Variants in PPP3CA observed in about 807,000 individuals in gnomAD.
The protein encoded by PPP3CA is CAM-PRP catalytic subunit.
A neutral mutation model predicts 66.5 loss-of-function variants in PPP3CA; 14 were observed. The observed-to-expected ratio is 0.21, with a 90% CI of 0.14 to 0.33. The LOEUF is 0.33. Among genes scored for constraint, PPP3CA ranks in the 10% least tolerant of loss-of-function variants. PPP3CA has a pLI of 1.00. For synonymous variants in PPP3CA, 232 were observed against 226.2 expected, an observed-to-expected ratio of 1.03 and a Z score of -0.23; for missense variants, 317 against 639.5, an observed-to-expected ratio of 0.50 and a Z score of 5.44.
At chr4:101,301,754 G>A (rs1015069372) in intron 1 of PPP3CA, among the ~76,000 whole-genome samples, 100 of 149,256 alleles carry the variant, frequency 6.7e-4, no homozygotes, top group African/African-American at 2.4e-3. Context: ...GCCTCCCAAA[G>A]TGCTGGGATT....
chr4:101,337,341 C>T (rs1218340730), intron 1 of PPP3CA, among the ~76,000 whole-genome samples: 3 of 152,170 alleles, frequency 2.0e-5, no homozygotes, highest in Non-Finnish European at 4.4e-5. Context: ...CACCACTCAC[C>T]CTTTTTTGTT....
rs557696573 is a variant in PPP3CA, at chr4:101,023,986, CAGAT to C, written c.*1875_*1878del. 3.5e-4 allele frequency: 54 copies of C among 152,448 alleles called. No individual in the cohort carries two copies. The highest frequency in any genetic ancestry group is 6.6e-4 in the Non-Finnish European group (45 of 68,036). The allele number at this position is 152,448 out of a possible 1,614,324, so 9.4% of individuals were successfully genotyped here. The stretch of plus-strand genomic sequence containing the variant: ...AGTAGCCTAGTACTTTTTGCTTTAG[CAGAT>C]AGATAGGGCATCCAATACAACTGAA... On this transcript the variant is annotated 3_prime_UTR_variant, in exon 14 of 14. Transcript: ENST00000394854.
intron 2 of PPP3CA, among the ~76,000 whole-genome samples, chr4:101,112,231 AT>A (rs1721697729): frequency 6.6e-6 from 1 of 152,074 alleles, no homozygotes; most frequent in African/African-American, 2.4e-5. Context: ...TTATAAGGAT[AT>A]TTTTTCTTTT....
intron 2 of PPP3CA, among the ~76,000 whole-genome samples, chr4:101,163,500 T>G (rs529583433): frequency 6.6e-6 from 1 of 152,174 alleles, no homozygotes; most frequent in African/African-American, 2.4e-5. Context: ...AATTGCTTGA[T>G]GTAGGCTTTA....
intron 1 of PPP3CA, among the ~76,000 whole-genome samples, chr4:101,294,926 A>G (rs1728150722): frequency 6.6e-6 from 1 of 152,206 alleles, no homozygotes; most frequent in Non-Finnish European, 1.5e-5. Flanking sequence ...AATGTCCATT[A>G]ATGTTTATAC....
intron 2 of PPP3CA, among the ~76,000 whole-genome samples, chr4:101,118,956 A>ATTTTTT (rs201507463): frequency 2.3e-4 from 30 of 129,930 alleles, no homozygotes; most frequent in African/African-American, 8.6e-4. Flanking sequence ...GAACTTACAG[A>ATTTTTT]TTTTTTTTTT....
chr4:101,288,768 T>A (rs55736159), intron 1 of PPP3CA, among the ~76,000 whole-genome samples: 2,798 of 152,246 alleles, frequency 0.018, 108 homozygotes, highest in African/African-American at 0.063. Flanking sequence ...ATATTTTAAC[T>A]TTTTCCCCCC....
At chr4:101,142,297 A>G (rs779055016) in intron 2 of PPP3CA, among the ~76,000 whole-genome samples, 1 of 152,194 alleles carries the variant, frequency 6.6e-6, no homozygotes, top group Non-Finnish European at 1.5e-5. Flanking sequence ...TAGGATAACT[A>G]TTTGTCTATA....
At chr4:101,249,640 G>A (rs1436032808) in intron 1 of PPP3CA, among the ~76,000 whole-genome samples, 1 of 152,154 alleles carries the variant, frequency 6.6e-6, no homozygotes, top group Non-Finnish European at 1.5e-5. Context: ...GTACATGGCA[G>A]AGAACTTTCA....
chr4:101,180,319 T>TC (rs1280216974), intron 2 of PPP3CA, among the ~76,000 whole-genome samples: 10 of 152,116 alleles, frequency 6.6e-5, no homozygotes, highest in African/African-American at 2.4e-4. Flanking sequence ...TGGGTTCTAC[T>TC]CATGATCTAA....
At position 101,233,707 on chromosome 4, in the gene PPP3CA, T is replaced by C. The variant is rs545168404; in HGVS notation, c.59-37591A>G. Reference sequence around the variant, plus strand: ...AATATTTAATTCAAATGAAAACGTTTAGTCCTAATCTAGGAATTTACAGGT... The same window carrying C: ...AATATTTAATTCAAATGAAAACGTTCAGTCCTAATCTAGGAATTTACAGGT... On this transcript the variant is annotated intron_variant, in intron 1 of 13. Coordinates refer to ENST00000394854, the MANE Select transcript of PPP3CA (RefSeq NM_000944.5). Among the ~76,000 whole-genome samples, 42 of 148,550 alleles carry C rather than the reference T, an allele frequency of 2.8e-4. No homozygotes were observed. In the South Asian group the frequency reaches 3.4e-3, roughly 12 times the overall value.
At chr4:101,312,418 A>G (rs540680319) in intron 1 of PPP3CA, among the ~76,000 whole-genome samples, 1 of 152,090 alleles carries the variant, frequency 6.6e-6, no homozygotes, top group Non-Finnish European at 1.5e-5. Context: ...CTTATTAAAC[A>G]TTATTTTTTA....
intron 1 of PPP3CA, among the ~76,000 whole-genome samples, chr4:101,336,421 A>G (rs1012148945): frequency 6.6e-6 from 1 of 151,768 alleles, no homozygotes; most frequent in African/African-American, 2.4e-5. Context: ...AATACAAAAA[A>G]ATTAGCCAGG....
intron 2 of PPP3CA, among the ~76,000 whole-genome samples, chr4:101,114,987 G>A (rs1376197337): frequency 1.3e-5 from 2 of 152,052 alleles, no homozygotes; most frequent in South Asian, 2.1e-4. Context: ...GTGTCTATGT[G>A]TGTGTATAAA....
chr4:101,123,877 G>A (rs964975042), intron 2 of PPP3CA, among the ~76,000 whole-genome samples: 1 of 152,142 alleles, frequency 6.6e-6, no homozygotes, highest in East Asian at 1.9e-4. Flanking sequence ...CCCATACAAA[G>A]TGGTTGTAAA....
At chr4:101,155,059 C>T (rs1484996659) in intron 2 of PPP3CA, among the ~76,000 whole-genome samples, 1 of 152,114 alleles carries the variant, frequency 6.6e-6, no homozygotes, top group Non-Finnish European at 1.5e-5. Flanking sequence ...TCATGATCTG[C>T]CCGCCTCGGC....
At position 101,025,522 on chromosome 4, in the gene PPP3CA, C is replaced by A; in HGVS notation, c.*343G>T. The A allele has an allele frequency of 5.8e-6, 1 of 171,890 alleles. No individual in the cohort carries two copies. The highest frequency in any genetic ancestry group is 1.2e-5 in the Non-Finnish European group (1 of 81,218). 10.6% of individuals were successfully genotyped at this position (171,890 alleles called of 1,614,324 possible). On this transcript the variant is annotated 3_prime_UTR_variant, in exon 14 of 14. Coordinates refer to ENST00000394854, the MANE Select transcript of PPP3CA (RefSeq NM_000944.5). ...ACAGAATAAAAGGCCTTTCATTAAC[C>A]TATCTAGAAGTCCCCAATGCAGTAG...
At chr4:101,135,297 T>C (rs1170756712) in intron 2 of PPP3CA, among the ~76,000 whole-genome samples, 1 of 151,968 alleles carries the variant, frequency 6.6e-6, no homozygotes, top group Non-Finnish European at 1.5e-5. Context: ...AACGATCACC[T>C]GAAAAATGTC....
At chr4:101,131,105 T>G (rs1722416165) in intron 2 of PPP3CA, among the ~76,000 whole-genome samples, 1 of 151,794 alleles carries the variant, frequency 6.6e-6, no homozygotes, top group Non-Finnish European at 1.5e-5. Flanking sequence ...GGCATGGTGG[T>G]GGGGGCCTAT....
Sources: allele counts gnomAD v4.1 joint callset (sites outside exome capture counted in the v4.1 genomes callset), GRCh38; gene constraint gnomAD v4.1.1; transcripts MANE v1.5; gene names NCBI Gene and HGNC (gene_info 2026-07-23, HGNC 2026-07-21).